The following CHODL variants were observed in gnomAD, a reference collection of about 807,000 sequenced individuals.
CHODL encodes transmembrane protein MT75.
In CHODL, 29 loss-of-function variants were observed where a neutral mutation model predicts 34.5. The ratio of observed to expected loss-of-function variants is 0.84; its 90% CI spans 0.63 to 1.15. CHODL has a LOEUF of 1.15. CHODL is among the 50% of genes most tolerant of loss of function. The probability of loss-of-function intolerance (pLI) is 0.00; values close to 1 mark genes in which losing one functional copy is unlikely to be tolerated. For missense variants in CHODL, 332 were observed against 332.5 expected (o/e 1.00, Z 0.01); for synonymous variants, 125 against 116.1 (o/e 1.08, Z -0.49).
At chr21:17,952,668 A>C (rs943025300) in intron 1 of CHODL, among the ~76,000 whole-genome samples, 11 of 152,202 alleles carry the variant, frequency 7.2e-5, no homozygotes, top group Non-Finnish European at 1.2e-4. Context: ...AATAGTCAAC[A>C]TGTGGGGGAC....
At chr21:17,989,587 A>G (rs912532591) in intron 1 of CHODL, among the ~76,000 whole-genome samples, 1 of 152,148 alleles carries the variant, frequency 6.6e-6, no homozygotes, top group African/African-American at 2.4e-5. Flanking sequence ...AATGTAACAA[A>G]ACAAAAATGA....
At chr21:18,130,341 T>C (rs17697450) in intron 2 of CHODL, among the ~76,000 whole-genome samples, 10,870 of 152,290 alleles carry the variant, frequency 0.071, 428 homozygotes, top group Middle Eastern at 0.12. Flanking sequence ...CTAGTGCTCA[T>C]TGTCATCCAC....
chr21:18,060,045 A>G (rs2064638289), intron 2 of CHODL, among the ~76,000 whole-genome samples: 1 of 151,828 alleles, frequency 6.6e-6, no homozygotes, highest in African/African-American at 2.4e-5. Context: ...CATTTCAAAC[A>G]CTTTCTTCCA....
chr21:17,926,763 A>G (rs2063226603), intron 1 of CHODL, among the ~76,000 whole-genome samples: 1 of 152,160 alleles, frequency 6.6e-6, no homozygotes, highest in Non-Finnish European at 1.5e-5. Flanking sequence ...GGACACAGCC[A>G]AACCATATCA....
chr21:18,094,317 AAT>A (rs1488869216), intron 2 of CHODL, among the ~76,000 whole-genome samples: 1 of 152,194 alleles, frequency 6.6e-6, no homozygotes, highest in Non-Finnish European at 1.5e-5. Context: ...CTAGACAGAA[AAT>A]AACAAAGAAG....
intron 2 of CHODL, among the ~76,000 whole-genome samples, chr21:18,204,908 A>C (rs2073695581): frequency 6.6e-6 from 1 of 152,214 alleles, no homozygotes; most frequent in Admixed American, 6.5e-5. Flanking sequence ...TGGGATCATA[A>C]CGAGCCTGTA....
At position 18,257,000 on chromosome 21, in the gene CHODL, A is replaced by T; in HGVS notation, c.420A>T (p.Gly140=). 6.2e-7 allele frequency: 1 copy of T among 1,613,734 alleles called. No homozygotes were observed. The highest frequency in any genetic ancestry group is 2.2e-5 in the East Asian group (1 of 44,874). ...RNWYTDEPSC[G]SEKCVVMYHQ... ...GGTACACAGATGAACCTTCCTGCGGAAGTGAAAAGTGTGTTGTGATGTATC... is the reference window on the plus strand; with the variant it reads ...GGTACACAGATGAACCTTCCTGCGGTAGTGAAAAGTGTGTTGTGATGTATC... Residue 140 remains glycine (G), a synonymous_variant, in exon 3 of 6, where the codon GGA becomes GGT. Coordinates refer to ENST00000299295, the MANE Select transcript of CHODL (RefSeq NM_024944.3).
chr21:18,092,200 A>T (rs948307521), intron 2 of CHODL, among the ~76,000 whole-genome samples: 1 of 152,176 alleles, frequency 6.6e-6, no homozygotes, highest in African/African-American at 2.4e-5. Context: ...TAAGGGGAAA[A>T]AAAAATCCCA....
chr21:18,101,542 G>A (rs981097823), intron 2 of CHODL, among the ~76,000 whole-genome samples: 7 of 151,808 alleles, frequency 4.6e-5, no homozygotes, highest in Non-Finnish European at 7.4e-5. Flanking sequence ...ACTCAAAAAG[G>A]TATAAGATAA....
chr21:17,925,964 G>C (rs1053898191), intron 1 of CHODL, among the ~76,000 whole-genome samples: 13 of 152,086 alleles, frequency 8.5e-5, no homozygotes, highest in African/African-American at 3.1e-4. Flanking sequence ...TAGACAATTA[G>C]TATTTCAAAA....
At chr21:18,144,699 T>C (rs1384518119) in intron 2 of CHODL, among the ~76,000 whole-genome samples, 1 of 152,024 alleles carries the variant, frequency 6.6e-6, no homozygotes, top group Non-Finnish European at 1.5e-5. Context: ...TCTTACCTCT[T>C]CCCTGGAGGT....
At chr21:18,221,250 A>T (rs148452334) in intron 2 of CHODL, among the ~76,000 whole-genome samples, 1 of 151,888 alleles carries the variant, frequency 6.6e-6, no homozygotes, top group Non-Finnish European at 1.5e-5. Flanking sequence ...GTCCCTTTTT[A>T]TATCTCTTTA....
At chr21:17,963,075 ATAATAAT>A (rs1454932986) in intron 1 of CHODL, among the ~76,000 whole-genome samples, 11 of 106,816 alleles carry the variant, frequency 1.0e-4, no homozygotes, top group African/African-American at 1.9e-4. Context: ...AAAAAAAAAA[ATAATAAT>A]AATAATAATA....
intron 2 of CHODL, among the ~76,000 whole-genome samples, chr21:18,139,328 G>C (rs1463793601): frequency 6.6e-6 from 1 of 152,070 alleles, no homozygotes; most frequent in African/African-American, 2.4e-5. Flanking sequence ...GAACCCATTG[G>C]AGGTAAAATT....
chr21:17,982,585 TA>T (rs972769705), intron 1 of CHODL, among the ~76,000 whole-genome samples: 3 of 151,494 alleles, frequency 2.0e-5, no homozygotes, highest in Admixed American at 6.6e-5. Context: ...TGTACTCTTT[TA>T]AAAAAAATTT....
intron 2 of CHODL, among the ~76,000 whole-genome samples, chr21:18,155,144 T>C (rs1329811633): frequency 6.6e-6 from 1 of 152,206 alleles, no homozygotes; most frequent in Non-Finnish European, 1.5e-5. Flanking sequence ...TGACTATTTT[T>C]TCATATCTTT....
intron 2 of CHODL, among the ~76,000 whole-genome samples, chr21:18,134,074 G>A (rs2072691354): frequency 6.6e-6 from 1 of 152,094 alleles, no homozygotes; most frequent in African/African-American, 2.4e-5. Context: ...TTCTAAGCAC[G>A]ATATACACAT....
chr21:18,067,439 A>G (rs2064745518), intron 2 of CHODL, among the ~76,000 whole-genome samples: 2 of 152,162 alleles, frequency 1.3e-5, no homozygotes, highest in Non-Finnish European at 2.9e-5. Context: ...AAAGGGAGAA[A>G]CCGGGGTGAT....
chr21:18,123,486 T>C (rs979348557), intron 2 of CHODL, among the ~76,000 whole-genome samples: 3 of 152,150 alleles, frequency 2.0e-5, no homozygotes, highest in Non-Finnish European at 2.9e-5. Flanking sequence ...AATAAACATA[T>C]TCCTCATTGT....
Sources: allele counts gnomAD v4.1 joint callset (sites outside exome capture counted in the v4.1 genomes callset), GRCh38; gene constraint gnomAD v4.1.1; transcripts MANE v1.5; gene names NCBI Gene and HGNC (gene_info 2026-07-23, HGNC 2026-07-21).